Variants in RIN2 observed in about 807,000 individuals in gnomAD.
The protein encoded by RIN2 is RAB5 interacting protein 2.
Under a neutral mutation model 78.0 loss-of-function variants are expected in RIN2, and 36 were observed. The observed-to-expected ratio is 0.46, with a 90% confidence interval of 0.35 to 0.61. RIN2 has a LOEUF of 0.61. Among genes scored for constraint, RIN2 ranks in the 20% least tolerant of loss-of-function variants. The pLI, the probability that RIN2 is intolerant of heterozygous loss-of-function variation, is 0.00. For missense variants in RIN2, 1,087 were observed against 1,159.7 expected, an observed-to-expected ratio of 0.94 and a Z score of 0.91; for synonymous variants, 466 against 466.8, an observed-to-expected ratio of 1.00 and a Z score of 0.02.
intron 2 of RIN2, among the ~76,000 whole-genome samples, chr20:19,883,618 C>T (rs2038092587): frequency 1.3e-5 from 2 of 152,168 alleles, no homozygotes; most frequent in Admixed American, 1.3e-4. Context: ...GCTGGGATTA[C>T]AGGCATGAGC....
intron 2 of RIN2, among the ~76,000 whole-genome samples, chr20:19,817,456 G>A (rs1182315171): frequency 6.6e-6 from 1 of 151,794 alleles, no homozygotes; most frequent in Non-Finnish European, 1.5e-5. Context: ...CCTCCTAAAG[G>A]CCCTACCTCT....
intron 2 of RIN2, among the ~76,000 whole-genome samples, chr20:19,841,042 T>C (rs2036560314): frequency 6.6e-6 from 1 of 152,130 alleles, no homozygotes; most frequent in African/African-American, 2.4e-5. Context: ...TATGGGTCAT[T>C]TTCAATCCCT....
At chr20:19,932,023 C>G (rs1254122493) in intron 3 of RIN2, among the ~76,000 whole-genome samples, 1 of 152,132 alleles carries the variant, frequency 6.6e-6, no homozygotes, top group African/African-American at 2.4e-5. Context: ...GGTAATATTC[C>G]TCCAGCAGTG....
chr20:19,930,717 C>G (rs1233051531), intron 3 of RIN2, among the ~76,000 whole-genome samples: 1 of 152,142 alleles, frequency 6.6e-6, no homozygotes, highest in Admixed American at 6.5e-5. Context: ...GAAGCAGGGC[C>G]TAGTCCCAGG....
At chr20:19,964,297 A>C (rs1390854056) in intron 6 of RIN2, among the ~76,000 whole-genome samples, 1 of 150,802 alleles carries the variant, frequency 6.6e-6, no homozygotes, top group East Asian at 2.0e-4. Context: ...AAAAAGAGAG[A>C]TGTAGTCTCG....
chr20:19,791,741 T>G (rs974681490), intron 1 of RIN2, among the ~76,000 whole-genome samples: 1 of 152,218 alleles, frequency 6.6e-6, no homozygotes, highest in Non-Finnish European at 1.5e-5. Context: ...AAATAAGTAT[T>G]CCTAGAACTG....
intron 2 of RIN2, among the ~76,000 whole-genome samples, chr20:19,833,765 C>A (rs1455462012): frequency 1.3e-5 from 2 of 152,194 alleles, no homozygotes; most frequent in Non-Finnish European, 2.9e-5. Flanking sequence ...AGGAGATTCT[C>A]CCCTATGAGA....
At chr20:19,983,095 G>A (rs2042511775) in intron 9 of RIN2, among the ~76,000 whole-genome samples, 1 of 152,172 alleles carries the variant, frequency 6.6e-6, no homozygotes, top group Non-Finnish European at 1.5e-5. Flanking sequence ...GACAAATGGG[G>A]ATTATGCACC....
intron 4 of RIN2, among the ~76,000 whole-genome samples, chr20:19,954,486 A>G (rs554490780): frequency 3.8e-4 from 58 of 152,278 alleles, no homozygotes; most frequent in Admixed American, 2.4e-3. Context: ...GAGAACCCAG[A>G]GCGAAGCTGC....
At chr20:19,869,928 G>A (rs928763938) in intron 2 of RIN2, among the ~76,000 whole-genome samples, 9 of 152,028 alleles carry the variant, frequency 5.9e-5, no homozygotes, top group Non-Finnish European at 8.8e-5. Flanking sequence ...GATTACAGGC[G>A]TGAGCCACCT....
At chr20:19,770,730 C>T (rs1451931359) in intron 1 of RIN2, among the ~76,000 whole-genome samples, 2 of 152,118 alleles carry the variant, frequency 1.3e-5, no homozygotes, top group African/African-American at 4.8e-5. Flanking sequence ...TTTTCCTCTG[C>T]TCTCACAACA....
In RIN2 at chr20:19,921,303, G is replaced by A. The variant is rs1047442343; in HGVS notation, c.58-13796G>A. ...AAGCACATTGGTGTTTTTGGGTGGTGGATAATTGAAAACTCGAGCAGTCTC... is the reference window on the plus strand; with the variant it reads ...AAGCACATTGGTGTTTTTGGGTGGTAGATAATTGAAAACTCGAGCAGTCTC... On this transcript the variant is annotated intron_variant, in intron 3 of 12. Transcript: ENST00000255006. Among the ~76,000 whole-genome samples, 14 of 152,152 alleles carry A rather than the reference G, an allele frequency of 9.2e-5. 1 individual carries two copies. The highest frequency in any genetic ancestry group is 7.2e-4 in the Admixed American group (11 of 15,278).
chr20:19,900,945 C>CAAA lies in RIN2; in HGVS notation c.57+11313_57+11315dup, dbSNP rs869239642. On this transcript the variant is annotated intron_variant, in intron 3 of 12. Transcript: ENST00000255006. The stretch of plus-strand genomic sequence containing the variant: ...GGCCTGGGCAACAAGAGCTCTGTCT[C>CAAA]AAAAAAAAAAAAAAAAAAAAAAAAA... 9.8e-4 allele frequency among the ~76,000 whole-genome samples: 29 copies of CAAA among 29,584 alleles called. 1 individual carries two copies. The highest frequency in any genetic ancestry group is 4.2e-3 in the South Asian group (3 of 720). The allele number at this position is 29,584 out of a possible 152,430, so 19.4% of individuals were successfully genotyped here. A position where few individuals can be genotyped will look rare whatever the true frequency, so the allele number is the denominator to read the frequency against.
chr20:19,797,486 T>C (rs1482708085), intron 1 of RIN2, among the ~76,000 whole-genome samples: 1 of 152,246 alleles, frequency 6.6e-6, no homozygotes, highest in Non-Finnish European at 1.5e-5. Flanking sequence ...TTTAATACCA[T>C]AATATAAACC....
intron 1 of RIN2, among the ~76,000 whole-genome samples, chr20:19,768,896 T>G (rs1336010907): frequency 6.6e-6 from 1 of 151,886 alleles, no homozygotes; most frequent in Non-Finnish European, 1.5e-5. Flanking sequence ...TAAATATTCT[T>G]CTTGGAAATA....
At chr20:19,842,214 TTTG>T (rs1386553297) in intron 2 of RIN2, among the ~76,000 whole-genome samples, 6 of 2,542 alleles carry the variant, frequency 2.4e-3, no homozygotes, top group Admixed American at 7.3e-3. Flanking sequence ...CTTTGTTTTT[TTTG>T]TTTGTTTGTT....
intron 5 of RIN2, 74 bp downstream of exon 5, chr20:19,956,881 T>A (rs2041566825): frequency 3.1e-6 from 4 of 1,311,164 alleles, no homozygotes; most frequent in Non-Finnish European, 4.1e-6. Flanking sequence ...ACACTTGGAG[T>A]TAGTTCCAGA....
intron 2 of RIN2, among the ~76,000 whole-genome samples, chr20:19,808,035 G>A (rs2035462759): frequency 1.3e-5 from 2 of 152,196 alleles, no homozygotes; most frequent in South Asian, 4.1e-4. Context: ...AGAAACCTAA[G>A]CCTTAAATGA....
chr20:19,783,958 T>C (rs2034590926), intron 1 of RIN2, among the ~76,000 whole-genome samples: 1 of 152,126 alleles, frequency 6.6e-6, no homozygotes, highest in African/African-American at 2.4e-5. Context: ...CAGCAGGCTG[T>C]CGTGGAAGAG....
Sources: gnomAD v4.1 joint callset for allele counts (sites outside exome capture counted in the v4.1 genomes callset) on GRCh38, gnomAD v4.1.1 for gene constraint, MANE v1.5 for transcripts, NCBI Gene and HGNC (gene_info 2026-07-23, HGNC 2026-07-21) for gene names.